CEP112: variants seen among roughly 807,000 people sequenced by gnomAD.
CEP112 encodes centrosomal protein of 112 kDa.
A neutral mutation model predicts 153.0 loss-of-function variants in CEP112; 127 were observed. The observed-to-expected ratio is 0.83, with a 90% CI of 0.72 to 0.96. The LOEUF (loss-of-function observed/expected upper bound fraction) is 0.96. Among genes scored for constraint, CEP112 ranks in the 40% least tolerant of loss-of-function variants. The pLI is 0.00. For missense variants in CEP112, 1,089 were observed against 1,101.2 expected, an observed-to-expected ratio of 0.99 and a Z score of 0.16; for synonymous variants, 358 against 374.4, an observed-to-expected ratio of 0.96 and a Z score of 0.51.
intron 24 of CEP112, among the ~76,000 whole-genome samples, chr17:65,676,835 T>G (rs2047258263): frequency 6.6e-6 from 1 of 152,190 alleles, no homozygotes; most frequent in South Asian, 2.1e-4. Context: ...TTCGGTTTAG[T>G]TTTTCATTCT....
chr17:66,099,168 T>C (rs919244271), intron 6 of CEP112, among the ~76,000 whole-genome samples: 2 of 151,942 alleles, frequency 1.3e-5, no homozygotes, highest in Non-Finnish European at 2.9e-5. Flanking sequence ...CAGCTGAAGA[T>C]AAGGGCCCTG....
At chr17:66,180,229 C>G (rs1477431056) in intron 2 of CEP112, among the ~76,000 whole-genome samples, 1 of 152,044 alleles carries the variant, frequency 6.6e-6, no homozygotes, top group African/African-American at 2.4e-5. Flanking sequence ...TTCCTCCCTC[C>G]TCTATTTTTT....
At chr17:65,940,433 A>C (rs995581110) in intron 18 of CEP112, among the ~76,000 whole-genome samples, 2 of 152,012 alleles carry the variant, frequency 1.3e-5, no homozygotes, top group Non-Finnish European at 2.9e-5. Context: ...AGATATATAC[A>C]CTCCCATGTT....
intron 24 of CEP112, chr17:65,644,463 C>A (rs1598174537): frequency 2.6e-6 from 1 of 382,786 alleles, no homozygotes; most frequent in South Asian, 2.6e-5. Context: ...AGGATTCGGT[C>A]TTCTCACGTG....
intron 4 of CEP112, among the ~76,000 whole-genome samples, chr17:66,146,247 C>G (rs908452026): frequency 3.3e-5 from 5 of 152,008 alleles, no homozygotes; most frequent in Non-Finnish European, 4.4e-5. Context: ...ACCATCTGGG[C>G]TTAAGAGATT....
At chr17:65,959,312 C>T (rs2062112447) in intron 18 of CEP112, among the ~76,000 whole-genome samples, 1 of 152,160 alleles carries the variant, frequency 6.6e-6, no homozygotes, top group South Asian at 2.1e-4. Flanking sequence ...CACTGGGACA[C>T]CCTGGCTGCA....
intron 4 of CEP112, among the ~76,000 whole-genome samples, chr17:66,142,564 T>C (rs1301489447): frequency 1.3e-5 from 2 of 152,182 alleles, no homozygotes; most frequent in Non-Finnish European, 2.9e-5. Flanking sequence ...CTTTTTATGC[T>C]TGTGGACTTC....
chr17:65,937,613 A>T (rs1250467741), intron 18 of CEP112, among the ~76,000 whole-genome samples: 1 of 61,942 alleles, frequency 1.6e-5, no homozygotes, highest in Admixed American at 2.3e-4. Context: ...TCCGGGAGGG[A>T]GGTGGGGGGG....
At chr17:65,638,657 C>A (rs1407420437) in intron 25 of CEP112, among the ~76,000 whole-genome samples, 1 of 152,202 alleles carries the variant, frequency 6.6e-6, no homozygotes, top group African/African-American at 2.4e-5. Context: ...CTCCCCCAAC[C>A]ATGCTCTGTA....
Position 65,635,824 on chromosome 17 carries a change from T to A in CEP112, c.*147A>T, listed in dbSNP as rs1356725707. 1 of 785,790 alleles carries A rather than the reference T, an allele frequency of 1.3e-6. No homozygotes were observed. The highest frequency in any genetic ancestry group is 1.8e-5 in the South Asian group (1 of 55,680). 48.7% of individuals were successfully genotyped at this position (785,790 alleles called of 1,614,324 possible). On this transcript the variant is annotated 3_prime_UTR_variant, in exon 27 of 27. Coordinates refer to ENST00000535342, the MANE Select transcript of CEP112 (RefSeq NM_001199165.4). ...TAAAACCACCCCACTAGTGTATGAA[T>A]GATGCATGTTTTTATGATCTTAATT...
At chr17:66,116,121 T>C (rs1388436725) in intron 6 of CEP112, among the ~76,000 whole-genome samples, 3 of 152,204 alleles carry the variant, frequency 2.0e-5, no homozygotes, top group African/African-American at 7.2e-5. Context: ...GAAGGGTAAG[T>C]AATGAAAAAG....
chr17:65,867,464 G>T (rs565439187), intron 20 of CEP112, among the ~76,000 whole-genome samples: 11 of 152,236 alleles, frequency 7.2e-5, no homozygotes, highest in Middle Eastern at 3.4e-3. Context: ...ATCTTACTTT[G>T]AAGATTTTGA....
chr17:65,711,358 C>T (rs531038807), intron 23 of CEP112, among the ~76,000 whole-genome samples: 1 of 152,212 alleles, frequency 6.6e-6, no homozygotes, highest in Admixed American at 6.5e-5. Flanking sequence ...TTTTCTGGGC[C>T]TCAGTTTACT....
intron 17 of CEP112, among the ~76,000 whole-genome samples, chr17:65,996,601 G>C (rs1201790524): frequency 6.6e-6 from 1 of 152,142 alleles, no homozygotes; most frequent in Non-Finnish European, 1.5e-5. Context: ...CTGTCCCAGA[G>C]TCCACTGTCT....
intron 21 of CEP112, among the ~76,000 whole-genome samples, chr17:65,770,564 T>TA (rs372243605): frequency 1.3e-5 from 2 of 152,154 alleles, no homozygotes; most frequent in African/African-American, 4.8e-5. Flanking sequence ...GTACTGGACA[T>TA]AAAAAAAGTG....
intron 21 of CEP112, among the ~76,000 whole-genome samples, chr17:65,848,910 G>A (rs185812403): frequency 1.2e-4 from 19 of 152,152 alleles, no homozygotes; most frequent in Admixed American, 1.2e-3. Context: ...TGCCCTCAAG[G>A]ACCTCCTGCC....
At chr17:65,996,940 G>A (rs1000685893) in intron 17 of CEP112, among the ~76,000 whole-genome samples, 1 of 152,196 alleles carries the variant, frequency 6.6e-6, no homozygotes, top group African/African-American at 2.4e-5. Flanking sequence ...TGGGCACGGT[G>A]GCCCACGGCT....
At chr17:66,056,762 A>G (rs1245911353) in intron 11 of CEP112, among the ~76,000 whole-genome samples, 1 of 152,196 alleles carries the variant, frequency 6.6e-6, no homozygotes, top group Non-Finnish European at 1.5e-5. Context: ...GCTGATGGAT[A>G]AAGGTTTCTT....
At chr17:65,955,176 C>A (rs1301094025) in intron 18 of CEP112, among the ~76,000 whole-genome samples, 1 of 152,130 alleles carries the variant, frequency 6.6e-6, no homozygotes, top group Non-Finnish European at 1.5e-5. Context: ...TTGGCAGAAA[C>A]CCTAAAAGCT....
Sources: gnomAD v4.1 joint callset for allele counts (sites outside exome capture counted in the v4.1 genomes callset) on GRCh38, gnomAD v4.1.1 for gene constraint, MANE v1.5 for transcripts, NCBI Gene and HGNC (gene_info 2026-07-23, HGNC 2026-07-21) for gene names.